STXBP5L: variants seen among roughly 807,000 people sequenced by gnomAD.
STXBP5L encodes syntaxin binding protein 5L.
STXBP5L carries 65 observed loss-of-function variants against 144.5 expected under a neutral mutation model. The observed-to-expected ratio is 0.45, with a 90% CI of 0.37 to 0.55. STXBP5L has a LOEUF of 0.55. Among genes scored for constraint, STXBP5L ranks in the 20% least tolerant of loss-of-function variants. The pLI is 0.00. For missense variants in STXBP5L, 1,298 were observed against 1,405.5 expected, an observed-to-expected ratio of 0.92 and a Z score of 1.22; for synonymous variants, 505 against 469.6, an observed-to-expected ratio of 1.08 and a Z score of -0.97.
intron 2 of STXBP5L, among the ~76,000 whole-genome samples, chr3:120,917,903 T>A (rs374921766): frequency 1.3e-5 from 2 of 152,350 alleles, no homozygotes; most frequent in African/African-American, 4.8e-5. Context: ...CAAAAACTTA[T>A]TGGCTTAAAA....
chr3:121,313,227 CACCT>C (rs2043615187), intron 19 of STXBP5L, among the ~76,000 whole-genome samples: 1 of 132,320 alleles, frequency 7.6e-6, no homozygotes, highest in African/African-American at 3.0e-5. Flanking sequence ...TGACCCCCCC[CACCT>C]CCCTCCCGGA....
At chr3:121,075,181 C>T (rs754021962) in intron 5 of STXBP5L, among the ~76,000 whole-genome samples, 3 of 152,142 alleles carry the variant, frequency 2.0e-5, no homozygotes, top group South Asian at 2.1e-4. Flanking sequence ...TCTGGCCAGC[C>T]GTTTTGTCCT....
At chr3:121,248,918 GTTTGTT>G (rs149885921) in intron 14 of STXBP5L, among the ~76,000 whole-genome samples, 2,925 of 152,176 alleles carry the variant, frequency 0.019, 83 homozygotes, top group African/African-American at 0.066. Context: ...TTTCCCCATT[GTTTGTT>G]TTTGTCAGCC....
chr3:120,961,397 A>G (rs1387652067), intron 3 of STXBP5L, among the ~76,000 whole-genome samples: 1 of 151,430 alleles, frequency 6.6e-6, no homozygotes, highest in Admixed American at 6.6e-5. Context: ...TACATTAGGT[A>G]TTTCTCCTAA....
At chr3:120,946,791 G>T (rs1011026542) in intron 2 of STXBP5L, among the ~76,000 whole-genome samples, 4 of 151,654 alleles carry the variant, frequency 2.6e-5, no homozygotes, top group African/African-American at 7.3e-5. Context: ...TTTTTTGGTA[G>T]CTGGGTTCTG....
At chr3:120,992,312 C>T (rs1446170753) in intron 3 of STXBP5L, among the ~76,000 whole-genome samples, 2 of 152,050 alleles carry the variant, frequency 1.3e-5, no homozygotes, top group African/African-American at 2.4e-5. Flanking sequence ...CATTTTAAGT[C>T]CTGTCTCCTA....
At chr3:121,082,019 A>C (rs2042269186) in intron 5 of STXBP5L, among the ~76,000 whole-genome samples, 1 of 152,156 alleles carries the variant, frequency 6.6e-6, no homozygotes, top group African/African-American at 2.4e-5. Context: ...AATTATTGTA[A>C]CCATACAGTA....
intron 3 of STXBP5L, among the ~76,000 whole-genome samples, chr3:121,011,541 C>G (rs533550010): frequency 6.6e-5 from 10 of 151,732 alleles, no homozygotes; most frequent in African/African-American, 2.4e-4. Flanking sequence ...CAAGCTTCAT[C>G]CTCATTTACC....
intron 2 of STXBP5L, among the ~76,000 whole-genome samples, chr3:120,912,888 T>A (rs1708918424): frequency 6.6e-6 from 1 of 151,964 alleles, no homozygotes. Context: ...CTGCATTCCC[T>A]AAAAGATACC....
chr3:120,950,546 T>TA (rs1161036613), intron 2 of STXBP5L, among the ~76,000 whole-genome samples: 2 of 149,766 alleles, frequency 1.3e-5, no homozygotes, highest in Admixed American at 1.3e-4. Flanking sequence ...TCAATTTTTT[T>TA]TATTATACTT....
intron 20 of STXBP5L, among the ~76,000 whole-genome samples, chr3:121,326,593 G>T (rs1251430047): frequency 6.6e-6 from 1 of 151,992 alleles, no homozygotes; most frequent in African/African-American, 2.4e-5. Context: ...CATACAGGTG[G>T]TATCTTCTGT....
chr3:121,121,522 C>T (rs2044463231), intron 6 of STXBP5L, 119 bp from the exon 7 acceptor site: 2 of 651,558 alleles, frequency 3.1e-6, no homozygotes, highest in Admixed American at 5.6e-5. Context: ...TGAATCTGAG[C>T]TTAACCCTAG....
intron 9 of STXBP5L, among the ~76,000 whole-genome samples, chr3:121,194,175 C>A (rs1215911022): frequency 1.3e-5 from 2 of 152,012 alleles, no homozygotes; most frequent in Non-Finnish European, 2.9e-5. Flanking sequence ...TACCTATTAC[C>A]AGTTACTCCC....
chr3:120,921,844 A>G (rs1559874492), intron 2 of STXBP5L, among the ~76,000 whole-genome samples: 2 of 152,044 alleles, frequency 1.3e-5, no homozygotes, highest in Admixed American at 6.6e-5. Context: ...TTATGCCAGT[A>G]TCATGCTAAT....
intron 3 of STXBP5L, among the ~76,000 whole-genome samples, chr3:120,956,855 TC>T (rs1938094269): frequency 6.6e-6 from 1 of 151,976 alleles, no homozygotes; most frequent in Admixed American, 6.6e-5. Context: ...GCTATTTTTT[TC>T]TTTTGTTGCC....
Position 120,943,533 on chromosome 3 carries a change from G to T in STXBP5L, c.190-11407G>T, listed in dbSNP as rs977814210. 5.3e-5 allele frequency among the ~76,000 whole-genome samples: 8 copies of T among 151,646 alleles called. No homozygotes were observed. In the South Asian group the frequency reaches 1.7e-3, roughly 31 times the overall value. On this transcript the variant is annotated intron_variant, in intron 2 of 26. Transcript: ENST00000471454. ...TTTAGTATCTATACTTACATTTGTG[G>T]AATAAAATGTGTTTGGCCATGGTTT...
At chr3:121,211,965 A>C (rs1047938458) in intron 10 of STXBP5L, among the ~76,000 whole-genome samples, 3 of 152,112 alleles carry the variant, frequency 2.0e-5, no homozygotes, top group Admixed American at 6.5e-5. Context: ...TCTAATGACC[A>C]GTGTTGATGA....
chr3:121,125,658 C>A (rs980956002), intron 7 of STXBP5L, among the ~76,000 whole-genome samples: 1 of 152,084 alleles, frequency 6.6e-6, no homozygotes, highest in Non-Finnish European at 1.5e-5. Context: ...TCTCTTGTCT[C>A]CCAAACAAAT....
intron 5 of STXBP5L, among the ~76,000 whole-genome samples, chr3:121,111,684 G>T (rs1323551887): frequency 6.6e-6 from 1 of 152,182 alleles, no homozygotes; most frequent in Non-Finnish European, 1.5e-5. Context: ...CTTGTTGGGG[G>T]GTTTCACCCA....
Sources: gnomAD v4.1 joint callset for allele counts (sites outside exome capture counted in the v4.1 genomes callset) on GRCh38, gnomAD v4.1.1 for gene constraint, MANE v1.5 for transcripts, NCBI Gene and HGNC (gene_info 2026-07-23, HGNC 2026-07-21) for gene names.